Variants in TAF3 observed in about 807,000 individuals in gnomAD.
The protein encoded by TAF3 is transcription initiation factor TFIID subunit 3.
In TAF3, 7 loss-of-function variants were observed where a neutral mutation model predicts 80.6. That is an observed-to-expected ratio of 0.09 (90% confidence interval 0.05 to 0.16). The LOEUF (loss-of-function observed/expected upper bound fraction) is 0.16, where lower values mean the gene tolerates loss of function less well. Among genes scored for constraint, TAF3 ranks in the 10% least tolerant of loss-of-function variants. The probability of loss-of-function intolerance (pLI) is 1.00; values close to 1 mark genes in which losing one functional copy is unlikely to be tolerated. For missense variants in TAF3, 921 were observed against 1,140.2 expected (o/e 0.81, Z 2.77); for synonymous variants, 444 against 446.1 (o/e 1.00, Z 0.06).
At chr10:7,951,437 C>T (rs11255458) in intron 2 of TAF3, among the ~76,000 whole-genome samples, 25,390 of 152,180 alleles carry the variant, frequency 0.17, 2,335 homozygotes, top group East Asian at 0.29. Context: ...GGGCCACACA[C>T]TTCATCACCC....
chr10:7,914,847 T>C (rs1167015110), intron 2 of TAF3, among the ~76,000 whole-genome samples: 3 of 151,618 alleles, frequency 2.0e-5, no homozygotes, highest in African/African-American at 4.8e-5. Context: ...ACTGACCCAT[T>C]AGCCTTTTCC....
At chr10:7,853,926 G>A (rs1187880161) in intron 2 of TAF3, among the ~76,000 whole-genome samples, 3 of 152,202 alleles carry the variant, frequency 2.0e-5, no homozygotes, top group African/African-American at 7.2e-5. Flanking sequence ...AAAAACATCT[G>A]TGAGAATCAA....
At chr10:7,895,673 C>A (rs1174130780) in intron 2 of TAF3, among the ~76,000 whole-genome samples, 1 of 152,148 alleles carries the variant, frequency 6.6e-6, no homozygotes, top group African/African-American at 2.4e-5. Context: ...AGGGCCTGGG[C>A]TTTGGAATGA....
chr10:7,860,804 CTTTT>C (rs371068019), intron 2 of TAF3, among the ~76,000 whole-genome samples: 4 of 119,072 alleles, frequency 3.4e-5, no homozygotes, highest in Non-Finnish European at 5.6e-5. Flanking sequence ...TTCTTTCTTT[CTTTT>C]TTTTTTTTTG....
intron 5 of TAF3, among the ~76,000 whole-genome samples, chr10:8,010,701 G>T (rs368530319): frequency 6.6e-6 from 1 of 152,194 alleles, no homozygotes; most frequent in East Asian, 1.9e-4. Context: ...GAGGTCAGGA[G>T]TTCGAGACCA....
rs72782782 is a variant in TAF3, at chr10:7,981,658, C to T, written c.2315+4335C>T. Among the ~76,000 whole-genome samples, 532 of 152,252 alleles carry T rather than the reference C, an allele frequency of 3.5e-3. 1 individual carries two copies. The highest frequency in any genetic ancestry group is 5.6e-3 in the Non-Finnish European group (383 of 68,004). On this transcript the variant is annotated intron_variant, in intron 4 of 6. Transcript: ENST00000344293. ...ACCTCTGGCATTAGTTTTCTTTCTG[C>T]TGACATTTTGATTTCTGGTGGCAAG...
At chr10:7,854,214 T>C (rs916757322) in intron 2 of TAF3, among the ~76,000 whole-genome samples, 3 of 152,214 alleles carry the variant, frequency 2.0e-5, no homozygotes, top group Non-Finnish European at 4.4e-5. Flanking sequence ...TATTCAAGGC[T>C]CATGAGAATT....
At chr10:7,935,437 A>C (rs190383270) in intron 2 of TAF3, among the ~76,000 whole-genome samples, 32 of 151,824 alleles carry the variant, frequency 2.1e-4, no homozygotes, top group African/African-American at 6.8e-4. Flanking sequence ...TACAAAAAAT[A>C]GCCTGGCGTG....
Position 7,963,919 on chromosome 10 carries a change from G to A in TAF3, c.410-1G>A. 1 of 1,483,940 alleles carries A rather than the reference G, an allele frequency of 6.7e-7. No homozygotes were observed. Among genetic ancestry groups the A allele is most frequent in the Non-Finnish European group, 9.0e-7 (1 of 1,112,030 alleles). The allele number at this position is 1,483,940 out of a possible 1,614,324, so 91.9% of individuals were successfully genotyped here. On this transcript the variant is annotated splice_acceptor_variant, in intron 2 of 6. Transcript: ENST00000344293. LOFTEE classifies it high-confidence loss of function. ...TTTCTTCCTTTTTCTTCCTTTACCAGAAGAAGAAGAAGAGCAGGTGCCCAC... is the reference window on the plus strand; with the variant it reads ...TTTCTTCCTTTTTCTTCCTTTACCAAAAGAAGAAGAAGAGCAGGTGCCCAC...
At chr10:7,831,095 A>G (rs1836795615) in intron 2 of TAF3, among the ~76,000 whole-genome samples, 1 of 152,188 alleles carries the variant, frequency 6.6e-6, no homozygotes, top group Non-Finnish European at 1.5e-5. Flanking sequence ...TAATACTATC[A>G]CTTTGTTTTT....
chr10:7,937,842 C>G (rs1837936008), intron 2 of TAF3, among the ~76,000 whole-genome samples: 1 of 152,146 alleles, frequency 6.6e-6, no homozygotes, highest in Non-Finnish European at 1.5e-5. Context: ...TTTTTATGCT[C>G]TTTTGTAGAA....
chr10:7,972,409 T>C (rs1304920936), intron 3 of TAF3, among the ~76,000 whole-genome samples: 1 of 152,208 alleles, frequency 6.6e-6, no homozygotes, highest in Admixed American at 6.5e-5. Context: ...TTTTTAGGAA[T>C]GAAATAAAAG....
intron 2 of TAF3, among the ~76,000 whole-genome samples, chr10:7,949,123 G>C (rs1191262539): frequency 6.6e-6 from 1 of 152,196 alleles, no homozygotes; most frequent in Non-Finnish European, 1.5e-5. Context: ...AAGTAAGTGG[G>C]CTCAGCATTA....
rs1831557395 is a variant in TAF3 at position 7,965,193 on chromosome 10, G to T, written c.1683G>T (p.Glu561Asp). 3.1e-6 allele frequency: 5 copies of T among 1,605,658 alleles called. No homozygotes were observed. The highest frequency in any genetic ancestry group is 4.2e-6 in the Non-Finnish European group (5 of 1,178,082). Residue 561 changes from glutamate to aspartate, a missense_variant, in exon 3 of 7, where the codon GAG becomes GAT. Physicochemically the swap from Glu to Asp is conservative, Grantham distance 45 (BLOSUM62 2). Transcript: ENST00000344293. ...DKSKEKDKVKEKEKDKETGRE... is the reference protein window; with the variant it reads ...DKSKEKDKVKDKEKDKETGRE... ...GTAAGGAGAAGGATAAAGTGAAAGA[G>T]AAAGAGAAAGACAAGGAAACTGGCA...
chr10:7,974,160 AC>A (rs1478977539), intron 3 of TAF3, among the ~76,000 whole-genome samples: 2 of 151,684 alleles, frequency 1.3e-5, no homozygotes, highest in Admixed American at 6.6e-5. Context: ...ACACACACAC[AC>A]ACACACACAC....
At chr10:7,969,689 G>A (rs1036911427) in intron 3 of TAF3, among the ~76,000 whole-genome samples, 2 of 152,148 alleles carry the variant, frequency 1.3e-5, no homozygotes, top group Admixed American at 6.5e-5. Flanking sequence ...CAAAGTGGGG[G>A]ATCTGTTTTT....
chr10:8,001,416 C>T lies in TAF3; in HGVS notation c.2316-7662C>T, dbSNP rs909866796. Among the ~76,000 whole-genome samples the T allele has an allele frequency of 6.6e-5, 10 of 152,204 alleles. No individual in the cohort carries two copies. In the East Asian group the frequency reaches 1.9e-3, roughly 29 times the overall value. Reference sequence around the variant, plus strand: ...TTTGGTTTTTTTATTCTATTTTCTACTTGCTGTTTCCTTTGCTCATGTTTG... The same window carrying T: ...TTTGGTTTTTTTATTCTATTTTCTATTTGCTGTTTCCTTTGCTCATGTTTG... On this transcript the variant is annotated intron_variant, in intron 4 of 6. Transcript: ENST00000344293.
chr10:8,007,862 G>T (rs1052680283), intron 4 of TAF3, among the ~76,000 whole-genome samples: 4 of 151,750 alleles, frequency 2.6e-5, no homozygotes, highest in Non-Finnish European at 5.9e-5. Context: ...AATAAATTGA[G>T]TAATCCAAGG....
chr10:7,951,512 C>A (rs1838081835), intron 2 of TAF3, among the ~76,000 whole-genome samples: 1 of 152,202 alleles, frequency 6.6e-6, no homozygotes, highest in African/African-American at 2.4e-5. Flanking sequence ...AGCAGGAAGG[C>A]AAGTCCTTAG....
Sources: gnomAD v4.1 joint callset for allele counts (sites outside exome capture counted in the v4.1 genomes callset) on GRCh38, gnomAD v4.1.1 for gene constraint, MANE v1.5 for transcripts, NCBI Gene and HGNC (gene_info 2026-07-23, HGNC 2026-07-21) for gene names.